RAD17: variants seen among roughly 807,000 people sequenced by gnomAD.
RAD17 encodes the protein cell cycle checkpoint protein RAD17.
In RAD17, 31 loss-of-function variants were observed where a neutral mutation model predicts 81.5. The ratio of observed to expected loss-of-function variants is 0.38; its 90% CI spans 0.29 to 0.51. RAD17 has a LOEUF of 0.51. RAD17 is among the 20% of genes least tolerant of loss of function. The probability of loss-of-function intolerance (pLI) is 0.88; values close to 1 mark genes in which losing one functional copy is unlikely to be tolerated. For missense variants in RAD17, 681 were observed against 781.2 expected (o/e 0.87, Z 1.53); for synonymous variants, 261 against 266.2 (o/e 0.98, Z 0.19).
At position 69,386,161 on chromosome 5, in the gene RAD17, C is replaced by T. The variant is rs1464599833; in HGVS notation, c.699-19C>T. On this transcript the variant is annotated intron_variant, in intron 9 of 18. Transcript: ENST00000354868. ...AGAAGTGGCTTAAATTTCAACATTG[C>T]TGTATTTTGTTATTTTAGGAAGTAT... 16 of 1,599,614 alleles carry T rather than the reference C, an allele frequency of 1.0e-5. No individual in the cohort carries two copies. The highest frequency in any genetic ancestry group is 1.4e-5 in the Non-Finnish European group (16 of 1,173,752).
At chr5:69,401,812 C>CATGTTTAGTAGAGA (rs1765283658) in intron 17 of RAD17, among the ~76,000 whole-genome samples, 1 of 149,376 alleles carries the variant, frequency 6.7e-6, no homozygotes, top group Non-Finnish European at 1.5e-5. Flanking sequence ...ATGGTGAAAC[C>CATGTTTAGTAGAGA]CCATCTCTAC....
At chr5:69,378,961 G>C (rs149011486) in intron 6 of RAD17, among the ~76,000 whole-genome samples, 1 of 152,140 alleles carries the variant, frequency 6.6e-6, no homozygotes, top group Non-Finnish European at 1.5e-5. Context: ...CAGTAAAAAG[G>C]CCGGGCTTGG....
At position 69,414,472 on chromosome 5, in the gene RAD17, C is replaced by A; in HGVS notation, c.*180C>A. On this transcript the variant is annotated 3_prime_UTR_variant, in exon 19 of 19. Transcript: ENST00000354868. ...TGTCATCTTGAAGTAAATAGAAGAT[C>A]AAGCCTTCAAATCTCTTAATTTTTT... 1 of 749,580 alleles carries A rather than the reference C, an allele frequency of 1.3e-6. No homozygotes were observed. Among genetic ancestry groups the A allele is most frequent in the Non-Finnish European group, 2.1e-6 (1 of 477,026 alleles). The allele number at this position is 749,580 out of a possible 1,614,324, so 46.4% of individuals were successfully genotyped here.
chr5:69,399,027 A>T (rs773983132), intron 16 of RAD17, among the ~76,000 whole-genome samples: 8 of 152,020 alleles, frequency 5.3e-5, no homozygotes, highest in African/African-American at 9.7e-5. Context: ...AAAATAATAA[A>T]AAAATTAGCT....
intron 13 of RAD17, chr5:69,392,699 A>G (rs1445072558): frequency 7.5e-6 from 3 of 401,874 alleles, no homozygotes; most frequent in African/African-American, 2.1e-5. Flanking sequence ...CTGAGTGACT[A>G]TTCCCACCTG....
At chr5:69,405,352 CAA>C (rs1449313624) in intron 17 of RAD17, among the ~76,000 whole-genome samples, 2 of 130,194 alleles carry the variant, frequency 1.5e-5, no homozygotes, top group Non-Finnish European at 1.6e-5. Context: ...AACACACACA[CAA>C]AAAAAAAAAA....
At chr5:69,399,309 A>G (rs1216406730) in intron 16 of RAD17, among the ~76,000 whole-genome samples, 1 of 152,118 alleles carries the variant, frequency 6.6e-6, no homozygotes, top group African/African-American at 2.4e-5. Context: ...CGTAGCAACA[A>G]TCACCTCGCC....
At chr5:69,389,003 C>G in intron 11 of RAD17, 31 bp from the exon 12 acceptor site, 2 of 1,181,124 alleles carry the variant, frequency 1.7e-6, no homozygotes, top group Non-Finnish European at 2.3e-6. Context: ...TAAGAAAATA[C>G]TTTTTTTTAA....
chr5:69,382,394 A>G (rs1164370395), intron 7 of RAD17, among the ~76,000 whole-genome samples: 1 of 152,214 alleles, frequency 6.6e-6, no homozygotes, highest in African/African-American at 2.4e-5. Context: ...GCAGTGAGCT[A>G]TAGTGTTACC....
In RAD17 at chr5:69,371,436, T is replaced by TGGGGGG; in HGVS notation, c.-279-18_-279-17insGGGGGG. ...AGTTTTTCTTCATTTGAGGGCTTCT[T>TGGGGGG]CCCCCCCCCCCCCCCAGGTGAATTA... On this transcript the variant is annotated splice_polypyrimidine_tract_variant and intron_variant, in intron 2 of 18. Transcript: ENST00000354868. The TGGGGGG allele has an allele frequency of 3.5e-6, 1 of 288,712 alleles. No individual in the cohort carries two copies. 17.9% of individuals were successfully genotyped at this position (288,712 alleles called of 1,614,324 possible).
chr5:69,374,552 T>G (rs569927461), intron 5 of RAD17, 76 bp from the exon 6 acceptor site: 66 of 906,296 alleles, frequency 7.3e-5, no homozygotes, highest in Non-Finnish European at 1.1e-4. Context: ...TAATAATGCT[T>G]AGGTTCATAT....
At chr5:69,403,189 C>A (rs768172858) in intron 17 of RAD17, among the ~76,000 whole-genome samples, 6 of 152,134 alleles carry the variant, frequency 3.9e-5, no homozygotes, top group Non-Finnish European at 5.9e-5. Flanking sequence ...GTCCAGAATC[C>A]AATGAAAGAT....
At chr5:69,398,886 A>AAG (rs1464540061) in intron 16 of RAD17, among the ~76,000 whole-genome samples, 1 of 150,408 alleles carries the variant, frequency 6.6e-6, no homozygotes, top group African/African-American at 2.4e-5. Context: ...AAAAAAAAAA[A>AAG]AAGAGGCCAG....
intron 5 of RAD17, 140 bp from the exon 6 acceptor site, chr5:69,374,488 T>G: frequency 1.8e-6 from 1 of 561,048 alleles, no homozygotes; most frequent in South Asian, 3.1e-5. Context: ...TCAAGTATAA[T>G]CAAAAGGATC....
intron 7 of RAD17, 135 bp downstream of exon 7, chr5:69,382,192 C>A: frequency 2.0e-6 from 2 of 985,612 alleles, no homozygotes; most frequent in Admixed American, 2.8e-5. Context: ...AGGCCAGGTG[C>A]GATGGCTGTC....
intron 17 of RAD17, among the ~76,000 whole-genome samples, chr5:69,409,372 T>A (rs1456691250): frequency 6.6e-6 from 1 of 151,582 alleles, no homozygotes; most frequent in Admixed American, 6.6e-5. Context: ...TAGGAAGGAG[T>A]CCTTTGTTCT....
At chr5:69,398,677 G>A (rs527305967) in intron 16 of RAD17, among the ~76,000 whole-genome samples, 148 of 151,596 alleles carry the variant, frequency 9.8e-4, no homozygotes, top group Non-Finnish European at 1.8e-3. Flanking sequence ...GTGGTGGTGC[G>A]CTCCTGTAAT....
chr5:69,402,936 T>A lies in RAD17; in HGVS notation c.1693+2767T>A, dbSNP rs1440091606. ...ACAGTGTGCAATCAAATCAGGAAATTAACTTAATACCGTTTATTTTATAGT... is the reference window on the plus strand; with the variant it reads ...ACAGTGTGCAATCAAATCAGGAAATAAACTTAATACCGTTTATTTTATAGT... On this transcript the variant is annotated intron_variant, in intron 17 of 18. Transcript: ENST00000354868. Among the ~76,000 whole-genome samples the A allele has an allele frequency of 7.9e-5, 3 of 37,738 alleles. No individual in the cohort carries two copies. In the Admixed American group the frequency reaches 8.1e-4, roughly 10 times the overall value. 24.8% of individuals were successfully genotyped at this position (37,738 alleles called of 152,430 possible).
At chr5:69,377,454 T>C (rs1233992182) in intron 6 of RAD17, among the ~76,000 whole-genome samples, 116 of 8,550 alleles carry the variant, frequency 0.014, no homozygotes, top group Non-Finnish European at 0.055. Flanking sequence ...TATATATATA[T>C]ATATATATAT....
Sources: allele counts gnomAD v4.1 joint callset (sites outside exome capture counted in the v4.1 genomes callset), GRCh38; gene constraint gnomAD v4.1.1; transcripts MANE v1.5; gene names NCBI Gene and HGNC (gene_info 2026-07-23, HGNC 2026-07-21).